The following EML6 variants were observed in gnomAD, a reference collection of about 807,000 sequenced individuals.
EML6 encodes the protein EMAP like 6.
In EML6, 154 loss-of-function variants were observed where a neutral mutation model predicts 240.1. The ratio of observed to expected loss-of-function variants is 0.64; its 90% CI spans 0.56 to 0.73. The LOEUF is 0.73. Among genes scored for constraint, EML6 ranks in the 30% least tolerant of loss-of-function variants. The probability of loss-of-function intolerance (pLI) is 0.00; values close to 1 mark genes in which losing one functional copy is unlikely to be tolerated. For missense variants in EML6, 2,964 were observed against 2,474.6 expected (o/e 1.20, Z -4.20); for synonymous variants, 1,148 against 899.0 (o/e 1.28, Z -4.95).
chr2:54,934,661 C>T (rs1005992425), intron 28 of EML6, among the ~76,000 whole-genome samples: 1 of 152,114 alleles, frequency 6.6e-6, no homozygotes, highest in Middle Eastern at 3.4e-3. Flanking sequence ...GCAATTCTCC[C>T]ACTTCAGTCC....
chr2:54,776,543 T>C (rs999222806), intron 2 of EML6, among the ~76,000 whole-genome samples: 3 of 152,204 alleles, frequency 2.0e-5, no homozygotes, highest in African/African-American at 4.8e-5. Flanking sequence ...TGTGTTTTCT[T>C]TCACTGGTTT....
chr2:54,905,118 C>T (rs964528929), intron 24 of EML6, among the ~76,000 whole-genome samples: 7 of 152,002 alleles, frequency 4.6e-5, no homozygotes, highest in African/African-American at 7.3e-5. Flanking sequence ...GACAAAGTGC[C>T]GAGGGCTTTG....
At chr2:54,784,996 A>G (rs1669013923) in intron 2 of EML6, among the ~76,000 whole-genome samples, 1 of 152,062 alleles carries the variant, frequency 6.6e-6, no homozygotes, top group Non-Finnish European at 1.5e-5. Context: ...GCAATTCACC[A>G]TTTTCTTGTA....
chr2:54,775,263 T>G (rs1044696793), intron 2 of EML6, among the ~76,000 whole-genome samples: 1 of 152,258 alleles, frequency 6.6e-6, no homozygotes, highest in Non-Finnish European at 1.5e-5. Flanking sequence ...CATTCCTCGC[T>G]AGGCCCTGCA....
chr2:54,789,437 C>G (rs1669284358), intron 2 of EML6, among the ~76,000 whole-genome samples: 1 of 134,120 alleles, frequency 7.5e-6, no homozygotes, highest in Non-Finnish European at 1.5e-5. Context: ...TGGCGTGAAC[C>G]CGGGAGGCGG....
intron 17 of EML6, among the ~76,000 whole-genome samples, chr2:54,883,843 A>G (rs1043374249): frequency 5.3e-5 from 8 of 152,222 alleles, no homozygotes; most frequent in Non-Finnish European, 1.0e-4. Flanking sequence ...GACATTAGCT[A>G]AACATTTACA....
chr2:54,954,784 GTCC>G (rs896733859), intron 32 of EML6, among the ~76,000 whole-genome samples: 1 of 152,188 alleles, frequency 6.6e-6, no homozygotes, highest in African/African-American at 2.4e-5. Flanking sequence ...AAGATGTGCA[GTCC>G]TCCTCATATA....
intron 19 of EML6, among the ~76,000 whole-genome samples, chr2:54,894,314 C>G (rs1486203479): frequency 6.6e-6 from 1 of 151,688 alleles, no homozygotes; most frequent in Non-Finnish European, 1.5e-5. Context: ...GATCACTGTT[C>G]AGTAAAAAAT....
intron 2 of EML6, among the ~76,000 whole-genome samples, chr2:54,781,641 A>G (rs1668862318): frequency 6.6e-6 from 1 of 152,142 alleles, no homozygotes; most frequent in South Asian, 2.1e-4. Context: ...ACTAGCATGA[A>G]TTTACAAGTA....
intron 2 of EML6, among the ~76,000 whole-genome samples, chr2:54,779,859 A>G (rs1464471593): frequency 2.4e-5 from 3 of 126,150 alleles, no homozygotes; most frequent in East Asian, 5.2e-4. Flanking sequence ...CAGTCTCAAA[A>G]AAAAAGAAAA....
intron 24 of EML6, among the ~76,000 whole-genome samples, chr2:54,907,666 T>G (rs1332584373): frequency 6.6e-6 from 1 of 152,224 alleles, no homozygotes; most frequent in Non-Finnish European, 1.5e-5. Flanking sequence ...TGGATCACTT[T>G]GTGGGCTGCA....
At chr2:54,938,896 G>T in intron 28 of EML6, among the ~76,000 whole-genome samples, 1 of 152,238 alleles carries the variant, frequency 6.6e-6, no homozygotes, top group Middle Eastern at 3.4e-3. Flanking sequence ...GGGAGACCTG[G>T]GAGTTGCCTT....
intron 2 of EML6, among the ~76,000 whole-genome samples, chr2:54,768,062 C>T (rs1668259299): frequency 1.3e-5 from 2 of 152,110 alleles, no homozygotes; most frequent in African/African-American, 4.8e-5. Context: ...CAGATGTGGG[C>T]CTCTTGAAAG....
chr2:54,792,772 G>C (rs1292507801), intron 2 of EML6, among the ~76,000 whole-genome samples: 1 of 152,144 alleles, frequency 6.6e-6, no homozygotes, highest in Non-Finnish European at 1.5e-5. Context: ...ATAGAAATAC[G>C]CTATAGAAAT....
In EML6 at chr2:54,724,970, C is replaced by A; in HGVS notation, c.-92C>A. ...GCGGAAATCAGCGCCCTGCGCCGCG[C>A]GCTGAGCCCCTGCAGGTCCGCCGCA... On this transcript the variant is annotated 5_prime_UTR_variant, in exon 2 of 42. Coordinates refer to ENST00000356458, the MANE Select transcript of EML6 (RefSeq NM_001039753.4). The surrounding 1 kb of genome is among the most constrained non-coding windows in gnomAD (Gnocchi z 5.2). 1.8e-6 allele frequency: 2 copies of A among 1,092,698 alleles called. No individual in the cohort carries two copies. The highest frequency in any genetic ancestry group is 3.8e-5 in the South Asian group (1 of 26,230). The allele number at this position is 1,092,698 out of a possible 1,614,324, so 67.7% of individuals were successfully genotyped here. A position where few individuals can be genotyped will look rare whatever the true frequency, so the allele number is the denominator to read the frequency against.
At chr2:54,948,566 C>T (rs1573200441) in intron 28 of EML6, among the ~76,000 whole-genome samples, 1 of 152,206 alleles carries the variant, frequency 6.6e-6, no homozygotes, top group African/African-American at 2.4e-5. Flanking sequence ...TTGAACCAAG[C>T]CCCTCTTGTT....
chr2:54,871,680 T>A (rs755034308), intron 16 of EML6, 75 bp downstream of exon 16: 1 of 1,043,470 alleles, frequency 9.6e-7, no homozygotes, highest in Admixed American at 2.0e-5. Context: ...GCCCCGCGCA[T>A]GCGCGCACGC....
intron 6 of EML6, among the ~76,000 whole-genome samples, chr2:54,829,019 C>G (rs897881765): frequency 6.6e-6 from 1 of 152,212 alleles, no homozygotes; most frequent in Non-Finnish European, 1.5e-5. Flanking sequence ...TCTTTTCTCT[C>G]TAAGGGCCAC....
intron 7 of EML6, among the ~76,000 whole-genome samples, chr2:54,832,722 T>C (rs993090695): frequency 7.0e-6 from 1 of 142,142 alleles, no homozygotes; most frequent in Non-Finnish European, 1.5e-5. Context: ...CAGAAGATGG[T>C]CAGGTGTCCT....
Sources: gnomAD v4.1 joint callset for allele counts (sites outside exome capture counted in the v4.1 genomes callset) on GRCh38, gnomAD v4.1.1 for gene constraint, Gnocchi (gnomAD v3.1) non-coding constraint, MANE v1.5 for transcripts, NCBI Gene and HGNC (gene_info 2026-07-23, HGNC 2026-07-21) for gene names.